The following PCDHA3 variants were observed in gnomAD, a reference collection of about 807,000 sequenced individuals.
PCDHA3 encodes protocadherin alpha-3.
Under a neutral mutation model 62.2 loss-of-function variants are expected in PCDHA3, and 41 were observed. That is an observed-to-expected ratio of 0.66 (90% CI 0.51 to 0.86). The LOEUF (loss-of-function observed/expected upper bound fraction) is 0.86, where lower values mean the gene tolerates loss of function less well. Ranked by LOEUF, PCDHA3 falls within the 40% of genes least tolerant of loss-of-function variation. PCDHA3 has a pLI of 0.00. For synonymous variants in PCDHA3, 640 were observed against 555.4 expected, an observed-to-expected ratio of 1.15 and a Z score of -2.14; for missense variants, 1,304 against 1,241.2, an observed-to-expected ratio of 1.05 and a Z score of -0.76.
chr5:140,884,573 C>T, intron 1 of PCDHA3: 1 of 1,614,170 alleles, frequency 6.2e-7, no homozygotes, highest in Non-Finnish European at 8.5e-7. Flanking sequence ...TAAGACGGAC[C>T]TCATGGCCTT....
chr5:141,004,346 G>C (rs2098162740), intron 3 of PCDHA3, among the ~76,000 whole-genome samples: 1 of 152,212 alleles, frequency 6.6e-6, no homozygotes, highest in Non-Finnish European at 1.5e-5. Context: ...GTCTGTGAGG[G>C]ACTGGAGAGA....
At chr5:140,824,130 G>T (rs1554129744) in intron 1 of PCDHA3, 4 of 1,613,078 alleles carry the variant, frequency 2.5e-6, no homozygotes, top group Non-Finnish European at 8.5e-7. Flanking sequence ...CAGACAACGT[G>T]AGTTTTCTAA....
intron 1 of PCDHA3, among the ~76,000 whole-genome samples, chr5:140,965,009 T>C (rs2153742434): frequency 6.6e-6 from 1 of 152,248 alleles, no homozygotes; most frequent in South Asian, 2.1e-4. Context: ...GGTGTCAGGA[T>C]CACAACCTTG....
intron 1 of PCDHA3, chr5:140,882,078 C>T: frequency 1.1e-6 from 1 of 937,486 alleles, no homozygotes; most frequent in Non-Finnish European, 1.6e-6. Flanking sequence ...CGCATGGTGT[C>T]GCTCTTCACT....
At chr5:140,868,202 A>C (rs1401388364) in intron 1 of PCDHA3, 1 of 152,188 alleles carries the variant, frequency 6.6e-6, no homozygotes, top group Non-Finnish European at 1.5e-5. Flanking sequence ...GGCTTACATT[A>C]GAAATAATAT....
rs1354913404 is a variant in PCDHA3 at position 140,858,709 on chromosome 5, A to G, written c.2394+55118A>G. 5 of 545,256 alleles carry G rather than the reference A, an allele frequency of 9.2e-6. 1 individual carries two copies. The African/African-American group carries it at 9.7e-5, about 11-fold the overall frequency. The allele number at this position is 545,256 out of a possible 1,614,324, so 33.8% of individuals were successfully genotyped here. A position where few individuals can be genotyped will look rare whatever the true frequency, so the allele number is the denominator to read the frequency against. ...ATATTTTCCAATACAAATATGTGATATAGGTTGCAGTTCTGACGATTTACT... is the reference window on the plus strand; with the variant it reads ...ATATTTTCCAATACAAATATGTGATGTAGGTTGCAGTTCTGACGATTTACT... On this transcript the variant is annotated intron_variant, in intron 1 of 3. Transcript: ENST00000522353.
intron 1 of PCDHA3, among the ~76,000 whole-genome samples, chr5:140,889,648 A>G (rs1414947366): frequency 6.6e-6 from 1 of 152,094 alleles, no homozygotes; most frequent in African/African-American, 2.4e-5. Flanking sequence ...TGTTTGCAGG[A>G]GATGTCCTCT....
rs1371953272 is a variant in PCDHA3 at position 140,844,555 on chromosome 5, A to G, written c.2394+40964A>G. ...ATTCAACCCTTTGTTCATGAGTTGGAATATTTTCAATAATATTCCACATTA... is the reference window on the plus strand; with the variant it reads ...ATTCAACCCTTTGTTCATGAGTTGGGATATTTTCAATAATATTCCACATTA... On this transcript the variant is annotated intron_variant, in intron 1 of 3. Transcript: ENST00000522353. Among the ~76,000 whole-genome samples the G allele has an allele frequency of 6.7e-5, 10 of 149,520 alleles. 1 individual carries two copies. The Admixed American group carries it at 6.7e-4, about 10-fold the overall frequency.
chr5:140,961,155 G>A (rs1214072320), intron 1 of PCDHA3, among the ~76,000 whole-genome samples: 2 of 152,126 alleles, frequency 1.3e-5, no homozygotes, highest in Non-Finnish European at 2.9e-5. Context: ...TATTATTTCA[G>A]TACATATCTA....
intron 1 of PCDHA3, chr5:140,847,315 A>C (rs2150398811): frequency 1.3e-5 from 2 of 149,940 alleles, no homozygotes; most frequent in Non-Finnish European, 3.0e-5. Context: ...AATCAAGGAC[A>C]GAAGCAATTG....
At chr5:140,985,739 CTTTTTTTTTT>C (rs11372071) in intron 3 of PCDHA3, among the ~76,000 whole-genome samples, 1 of 117,922 alleles carries the variant, frequency 8.5e-6, no homozygotes, top group African/African-American at 3.2e-5. Context: ...TGATGAATTC[CTTTTTTTTTT>C]TTTTTTTTTT....
At chr5:140,853,193 T>C in intron 1 of PCDHA3, 2 of 981,640 alleles carry the variant, frequency 2.0e-6, no homozygotes, top group Non-Finnish European at 2.5e-6. Context: ...ATGTGTTCTT[T>C]ATTATTGACG....
At position 141,007,395 on chromosome 5, in the gene PCDHA3, CAAAA is replaced by C. The variant is rs35800918; in HGVS notation, c.2543-2212_2543-2209del. Among the ~76,000 whole-genome samples the C allele has an allele frequency of 1.2e-3, 116 of 94,838 alleles. No homozygotes were observed. In the Middle Eastern group the frequency reaches 0.016, roughly 13 times the overall value. 62.2% of individuals were successfully genotyped at this position (94,838 alleles called of 152,430 possible). ...ATGGAACACCATCTCTACTAAAATA[CAAAA>C]AAAAAAAAAAAAAAAAAAATTAGCC... is the stretch of plus-strand genomic sequence containing the variant. On this transcript the variant is annotated intron_variant, in intron 3 of 3. Coordinates refer to ENST00000522353, the MANE Select transcript of PCDHA3 (RefSeq NM_018906.3).
intron 1 of PCDHA3, among the ~76,000 whole-genome samples, chr5:140,831,946 G>T (rs928046102): frequency 1.3e-5 from 2 of 152,098 alleles, no homozygotes; most frequent in African/African-American, 2.4e-5. Flanking sequence ...AAGAGGAAAA[G>T]AAAAACTTTA....
intron 3 of PCDHA3, among the ~76,000 whole-genome samples, chr5:140,989,765 C>G (rs2097359812): frequency 6.6e-6 from 1 of 152,286 alleles, no homozygotes. Context: ...ATATTCAGTT[C>G]AAGCACTGGC....
intron 1 of PCDHA3, among the ~76,000 whole-genome samples, chr5:140,962,849 T>G (rs1434907172): frequency 6.6e-6 from 1 of 152,214 alleles, no homozygotes; most frequent in Non-Finnish European, 1.5e-5. Context: ...ATATAACTTG[T>G]GCTCGGTTTG....
intron 1 of PCDHA3, among the ~76,000 whole-genome samples, chr5:140,976,893 A>G (rs1240555240): frequency 2.0e-5 from 3 of 152,212 alleles, no homozygotes; most frequent in African/African-American, 7.2e-5. Context: ...GATACATGCA[A>G]CAGTATGTAA....
In PCDHA3 at chr5:140,808,910, G is replaced by A. The variant is rs782513861; in HGVS notation, c.2394+5319G>A. ...AGCGCCTCGGGCGGGTGGCACTGGT[G>A]GCGCAGTGAGCGAGCTGGTGCCATG... is the stretch of plus-strand genomic sequence containing the variant. On this transcript the variant is annotated intron_variant, in intron 1 of 3. Transcript: ENST00000522353. The A allele has an allele frequency of 4.3e-6, 7 of 1,613,580 alleles. No individual in the cohort carries two copies. In the East Asian group the frequency reaches 1.6e-4, roughly 36 times the overall value.
At chr5:140,842,856 C>A (rs2150346481) in intron 1 of PCDHA3, 3 of 1,593,922 alleles carry the variant, frequency 1.9e-6, no homozygotes, top group South Asian at 2.2e-5. Flanking sequence ...TCGGTGCACA[C>A]GGAGAGCGGC....
Sources: gnomAD v4.1 joint callset for allele counts (sites outside exome capture counted in the v4.1 genomes callset) on GRCh38, gnomAD v4.1.1 for gene constraint, MANE v1.5 for transcripts, NCBI Gene and HGNC (gene_info 2026-07-23, HGNC 2026-07-21) for gene names.